The following FGFR3 variants were observed in gnomAD, a reference collection of about 807,000 sequenced individuals.
FGFR3 encodes the protein fibroblast growth factor receptor 3.
Under a neutral mutation model 82.9 loss-of-function variants are expected in FGFR3, and 25 were observed. The observed-to-expected ratio is 0.30, with a 90% CI of 0.22 to 0.42. FGFR3 has a LOEUF of 0.42. Among genes scored for constraint, FGFR3 ranks in the 10% least tolerant of loss-of-function variants. The pLI, the probability that FGFR3 is intolerant of heterozygous loss-of-function variation, is 1.00. For synonymous variants in FGFR3, 620 were observed against 516.0 expected (o/e 1.20, Z -2.73); for missense variants, 1,026 against 1,161.0 (o/e 0.88, Z 1.69).
intron 2 of FGFR3, among the ~76,000 whole-genome samples, chr4:1,796,814 A>G (rs556017658): frequency 6.6e-6 from 1 of 152,238 alleles, no homozygotes; most frequent in South Asian, 2.1e-4. Context: ...TCACTCCTGC[A>G]GCCATTTCAG....
chr4:1,798,159 G>C (rs1033826999), intron 2 of FGFR3, among the ~76,000 whole-genome samples: 1 of 152,042 alleles, frequency 6.6e-6, no homozygotes, highest in Non-Finnish European at 1.5e-5. Context: ...GCTCTGGGGA[G>C]CTGGGCAGCT....
chr4:1,806,250 C>T lies in FGFR3; in HGVS notation c.1960-7C>T, dbSNP rs779177992. On this transcript the variant is annotated splice_polypyrimidine_tract_variant and splice_region_variant and intron_variant, in intron 14 of 17. Transcript: ENST00000440486. ...GGCGCCAACACCGCCTTCCCACACC[C>T]TCCCAGGGCCGGCTGCCCGTGAAGT... is the stretch of plus-strand genomic sequence containing the variant. The T allele has an allele frequency of 1.2e-5, 20 of 1,612,882 alleles. No individual in the cohort carries two copies. The Admixed American group carries it at 2.3e-4, about 19-fold the overall frequency.
At chr4:1,796,989 A>G (rs1177585205) in intron 2 of FGFR3, among the ~76,000 whole-genome samples, 1 of 152,144 alleles carries the variant, frequency 6.6e-6, no homozygotes, top group African/African-American at 2.4e-5. Context: ...TGAGGTCGGC[A>G]CTGTGTGGGG....
intron 2 of FGFR3, among the ~76,000 whole-genome samples, chr4:1,795,076 C>G (rs905742583): frequency 6.6e-6 from 1 of 151,518 alleles, no homozygotes; most frequent in Non-Finnish European, 1.5e-5. Flanking sequence ...CCCCCGCGCC[C>G]CTTTCTCCGT....
Position 1,793,980 on chromosome 4 carries a change from A to T in FGFR3, c.46A>T (p.Ile16Phe), listed in dbSNP as rs1720154646. The T allele has an allele frequency of 2.9e-6, 4 of 1,383,276 alleles. No individual in the cohort carries two copies. Among genetic ancestry groups the T allele is most frequent in the Non-Finnish European group, 3.8e-6 (4 of 1,055,612 alleles). The allele number at this position is 1,383,276 out of a possible 1,614,324, so 85.7% of individuals were successfully genotyped here. A position where few individuals can be genotyped will look rare whatever the true frequency, so the allele number is the denominator to read the frequency against. Reference protein sequence around the residue: ...CALALCVAVAIVAGASSESLG... With the variant: ...CALALCVAVAFVAGASSESLG... ...CCTCGCGCTCTGCGTGGCCGTGGCC[A>T]TCGTGGCCGGCGCCTCCTCGGAGTC... Residue 16 changes from isoleucine to phenylalanine, a missense_variant, in exon 2 of 18, where the codon ATC becomes TTC. By Grantham distance (21) the Ile-to-Phe change is conservative (BLOSUM62 0). Coordinates refer to ENST00000440486, the MANE Select transcript of FGFR3 (RefSeq NM_000142.5).
In FGFR3 at chr4:1,804,194, C is replaced by T. The variant is rs1291979787; in HGVS notation, c.1076-136C>T. 41 of 1,023,972 alleles carry T rather than the reference C, an allele frequency of 4.0e-5. 1 individual carries two copies. In the South Asian group the frequency reaches 6.4e-4, roughly 16 times the overall value. 63.4% of individuals were successfully genotyped at this position (1,023,972 alleles called of 1,614,324 possible). A position where few individuals can be genotyped will look rare whatever the true frequency, so the allele number is the denominator to read the frequency against. On this transcript the variant is annotated intron_variant, in intron 8 of 17. Transcript: ENST00000440486. The stretch of plus-strand genomic sequence containing the variant: ...CACTGGCGTTACTGACTGCGAGACC[C>T]TCCAGACAAGGCGCGTGCTGAGGTT...
At chr4:1,802,566 T>C (rs771072442) in intron 7 of FGFR3, among the ~76,000 whole-genome samples, 1 of 152,098 alleles carries the variant, frequency 6.6e-6, no homozygotes, top group Non-Finnish European at 1.5e-5. Flanking sequence ...GAGAAGACGG[T>C]CTCTTGGGGG....
At position 1,806,239 on chromosome 4, in the gene FGFR3, C is replaced by T. The variant is rs751115599; in HGVS notation, c.1960-18C>T. 3.7e-6 allele frequency: 6 copies of T among 1,612,896 alleles called. No individual in the cohort carries two copies. The highest frequency in any genetic ancestry group is 2.2e-5 in the East Asian group (1 of 44,870). ...GTAGGACGCCTGGCGCCAACACCGC[C>T]TTCCCACACCCTCCCAGGGCCGGCT... On this transcript the variant is annotated intron_variant, in intron 14 of 17. Coordinates refer to ENST00000440486, the MANE Select transcript of FGFR3 (RefSeq NM_000142.5).
rs3135894 is a variant in FGFR3 at position 1,805,326 on chromosome 4, A to G, written c.1413-29A>G. On this transcript the variant is annotated intron_variant, in intron 10 of 17. Coordinates refer to ENST00000440486, the MANE Select transcript of FGFR3 (RefSeq NM_000142.5). ...GGGCTGAGAGTGGGCGAGTTTGCAC[A>G]CTCATGGTCCCTCTGCCTCCACTGC... The G allele has an allele frequency of 5.6e-3, 9,052 of 1,608,618 alleles. 415 individuals are homozygous for G. The African/African-American group carries it at 0.1, about 18-fold the overall frequency.
intron 1 of FGFR3, among the ~76,000 whole-genome samples, 173 bp downstream of exon 1, chr4:1,793,638 G>T (rs1720097032): frequency 6.7e-6 from 1 of 148,258 alleles, no homozygotes; most frequent in African/African-American, 2.4e-5. Flanking sequence ...CTTTGCAGCA[G>T]CCAGGGAGGG....
chr4:1,797,431 G>T (rs1192778070), intron 2 of FGFR3, among the ~76,000 whole-genome samples: 1 of 152,192 alleles, frequency 6.6e-6, no homozygotes, highest in Non-Finnish European at 1.5e-5. Context: ...ACCACACACG[G>T]GCAGATGGCC....
At chr4:1,803,542 A>C in intron 7 of FGFR3, 150 bp from the exon 8 acceptor site, 1 of 1,363,418 alleles carries the variant, frequency 7.3e-7, no homozygotes, top group Non-Finnish European at 9.9e-7. Flanking sequence ...GAGGGCCCTC[A>C]GCCGCGTGGC....
rs1722159510 is a variant in FGFR3 at position 1,807,833 on chromosome 4, A to T, written c.*571A>T. ...CTGAAGATGGGAGCCTTTACCTTTT[A>T]TGCAAAAGGTTTATTCCGGAAACTA... On this transcript the variant is annotated 3_prime_UTR_variant, in exon 18 of 18. Coordinates refer to ENST00000440486, the MANE Select transcript of FGFR3 (RefSeq NM_000142.5). 1.1e-5 allele frequency: 5 copies of T among 450,060 alleles called. 1 individual carries two copies. Among genetic ancestry groups the T allele is most frequent in the South Asian group, 1.0e-4 (5 of 49,970 alleles). 27.9% of individuals were successfully genotyped at this position (450,060 alleles called of 1,614,324 possible).
At chr4:1,805,154 C>T (rs1472120755) in intron 10 of FGFR3, among the ~76,000 whole-genome samples, 185 bp downstream of exon 10, 2 of 152,236 alleles carry the variant, frequency 1.3e-5, no homozygotes, top group Non-Finnish European at 2.9e-5. Context: ...TCTCAAGGTG[C>T]CCTGTCTGGA....
chr4:1,797,821 C>A lies in FGFR3; in HGVS notation c.110-1433C>A, dbSNP rs1396445510. Among the ~76,000 whole-genome samples the A allele has an allele frequency of 2.0e-5, 3 of 152,292 alleles. No individual in the cohort carries two copies. The Middle Eastern group carries it at 0.01, about 518-fold the overall frequency. ...GATGAGTGTGGGCCCTTCTGGCTGG[C>A]AGGGTCACCCTGGGCACTAGGCGTG... On this transcript the variant is annotated intron_variant, in intron 2 of 17. Transcript: ENST00000440486.
Position 1,804,864 on chromosome 4 carries a change from C to G in FGFR3, c.1307C>G (p.Pro436Arg). 6.5e-7 allele frequency: 1 copy of G among 1,550,116 alleles called. No individual in the cohort carries two copies. Among genetic ancestry groups the G allele is most frequent in the Non-Finnish European group, 8.7e-7 (1 of 1,146,944 alleles). The stretch of plus-strand genomic sequence containing the variant: ...AACGCGTCCATGAGCTCCAACACAC[C>G]ACTGGTGCGCATCGCAAGGCTGTCC... Reference protein sequence around the residue: ...ESNASMSSNTPLVRIARLSSG... With the variant: ...ESNASMSSNTRLVRIARLSSG... The change falls in exon 10 of 18, where the codon CCA becomes CGA. Residue 436 changes from proline to arginine, a missense_variant. Physicochemically the swap from Pro to Arg is moderately radical, Grantham distance 103. Transcript: ENST00000440486.
At chr4:1,797,497 G>A (rs1720656742) in intron 2 of FGFR3, among the ~76,000 whole-genome samples, 1 of 152,224 alleles carries the variant, frequency 6.6e-6, no homozygotes, top group African/African-American at 2.4e-5. Context: ...GCTGGACCAG[G>A]CTGAAGCAAA....
chr4:1,805,987 G>GA (rs754301147), intron 13 of FGFR3, 47 bp downstream of exon 13: 39 of 1,610,550 alleles, frequency 2.4e-5, no homozygotes, highest in Non-Finnish European at 3.0e-5. Flanking sequence ...GCCCTGCCCT[G>GA]AGATGCTGGG....
intron 7 of FGFR3, chr4:1,802,857 C>T (rs917744405): frequency 1.5e-5 from 23 of 1,530,916 alleles, no homozygotes; most frequent in East Asian, 2.6e-5. Context: ...CATCCTGCCT[C>T]GTGCCCGGCG....
Sources: allele counts gnomAD v4.1 joint callset (sites outside exome capture counted in the v4.1 genomes callset), GRCh38; gene constraint gnomAD v4.1.1; transcripts MANE v1.5; gene names NCBI Gene and HGNC (gene_info 2026-07-23, HGNC 2026-07-21).